The following GTF2H1 variants were observed in gnomAD, a reference collection of about 807,000 sequenced individuals.
GTF2H1 encodes the protein general transcription factor IIH subunit 1, also known as BTF2 p62.
A neutral mutation model predicts 71.2 loss-of-function variants in GTF2H1; 16 were observed. That is an observed-to-expected ratio of 0.22 (90% CI 0.15 to 0.34). The LOEUF (loss-of-function observed/expected upper bound fraction) is 0.34, where lower values mean the gene tolerates loss of function less well. GTF2H1 is among the 10% of genes least tolerant of loss of function. GTF2H1 has a pLI of 1.00. For synonymous variants in GTF2H1, 215 were observed against 219.0 expected, an observed-to-expected ratio of 0.98 and a Z score of 0.16; for missense variants, 498 against 648.2, an observed-to-expected ratio of 0.77 and a Z score of 2.52.
chr11:18,353,293 C>T (rs1375210214), intron 11 of GTF2H1, among the ~76,000 whole-genome samples: 1 of 152,196 alleles, frequency 6.6e-6, no homozygotes, highest in African/African-American at 2.4e-5. Flanking sequence ...GGCTTGAAAA[C>T]CTTCACTGCC....
chr11:18,343,017 G>A (rs1865198943), intron 7 of GTF2H1, among the ~76,000 whole-genome samples: 1 of 152,158 alleles, frequency 6.6e-6, no homozygotes, highest in South Asian at 2.1e-4. Context: ...TACCTCCTGG[G>A]TTCAAGCGAT....
chr11:18,342,324 C>T (rs1443334108), intron 7 of GTF2H1, among the ~76,000 whole-genome samples: 5 of 131,962 alleles, frequency 3.8e-5, no homozygotes, highest in Admixed American at 1.8e-4. Flanking sequence ...TGCAGTGGCG[C>T]AATCTTGGCT....
chr11:18,358,575 G>A lies in GTF2H1; in HGVS notation c.1402G>A (p.Val468Ile), dbSNP rs1376084996. Reference sequence around the variant, plus strand: ...TGAATTGAAACACTTATATGTAGCTGTTGGAGAACTTCTACGACATTTCTG... The same window carrying A: ...TGAATTGAAACACTTATATGTAGCTATTGGAGAACTTCTACGACATTTCTG... ...QSELKHLYVA[V>I]GELLRHFWSC... Residue 468 changes from valine (V) to isoleucine (I), a missense_variant, in exon 13 of 15, where the codon GTT becomes ATT. Around this residue, in one of 3 missense-constraint regions of GTF2H1, gnomAD observed 266 missense variants for 301.6 expected, o/e 0.88. Coordinates refer to ENST00000265963, the MANE Select transcript of GTF2H1 (RefSeq NM_005316.4). 2 of 1,613,084 alleles carry A rather than the reference G, an allele frequency of 1.2e-6. No homozygotes were observed. Among genetic ancestry groups the A allele is most frequent in the Non-Finnish European group, 1.7e-6 (2 of 1,179,092 alleles).
intron 14 of GTF2H1, 137 bp from the exon 15 acceptor site, chr11:18,365,646 T>C (rs1865806338): frequency 1.6e-6 from 1 of 634,324 alleles, no homozygotes; most frequent in Admixed American, 2.6e-5. Flanking sequence ...CTCAGAGGGC[T>C]TGCACATTAC....
At chr11:18,363,911 A>G (rs963765017) in intron 14 of GTF2H1, among the ~76,000 whole-genome samples, 5 of 152,070 alleles carry the variant, frequency 3.3e-5, no homozygotes, top group African/African-American at 1.2e-4. Flanking sequence ...CATCTCTACT[A>G]AAAATACAAA....
chr11:18,344,181 A>G (rs999146355), intron 7 of GTF2H1, among the ~76,000 whole-genome samples: 1 of 103,854 alleles, frequency 9.6e-6, no homozygotes, highest in Non-Finnish European at 2.2e-5. Flanking sequence ...CGTACAATAC[A>G]CCTCTCATCT....
chr11:18,347,772 T>C, intron 8 of GTF2H1, 57 bp downstream of exon 8: 1 of 1,595,044 alleles, frequency 6.3e-7, no homozygotes, highest in South Asian at 1.1e-5. Flanking sequence ...CCAGATGGAG[T>C]TGTGGTGTTG....
intron 7 of GTF2H1, among the ~76,000 whole-genome samples, chr11:18,343,744 C>T (rs1865218296): frequency 6.6e-6 from 1 of 152,214 alleles, no homozygotes. Context: ...TTCCCATCCT[C>T]ATAAACGTAT....
intron 3 of GTF2H1, among the ~76,000 whole-genome samples, chr11:18,337,284 A>G (rs746139370): frequency 1.6e-4 from 25 of 152,196 alleles, no homozygotes; most frequent in Middle Eastern, 3.4e-3. Context: ...ATACATATCT[A>G]TGTATACAAA....
intron 1 of GTF2H1, among the ~76,000 whole-genome samples, chr11:18,331,658 C>T (rs932499203): frequency 6.6e-6 from 1 of 150,784 alleles, no homozygotes; most frequent in Non-Finnish European, 1.5e-5. Flanking sequence ...AAAAGTGAAA[C>T]TCCGTCTCAA....
At chr11:18,333,877 T>G (rs1864960226) in intron 2 of GTF2H1, among the ~76,000 whole-genome samples, 1 of 152,230 alleles carries the variant, frequency 6.6e-6, no homozygotes, top group African/African-American at 2.4e-5. Flanking sequence ...TGATCTTTGC[T>G]TATGTGGCCA....
At chr11:18,323,136 C>T (rs1056912633) in intron 1 of GTF2H1, among the ~76,000 whole-genome samples, 1 of 152,150 alleles carries the variant, frequency 6.6e-6, no homozygotes, top group African/African-American at 2.4e-5. Flanking sequence ...TCAATCTTAC[C>T]TCTCTTAAAA....
chr11:18,353,129 G>A (rs1008719591), intron 11 of GTF2H1, among the ~76,000 whole-genome samples: 6 of 152,206 alleles, frequency 3.9e-5, no homozygotes, highest in African/African-American at 1.4e-4. Flanking sequence ...AGACGCTGAG[G>A]CAGGAGAATC....
Position 18,332,932 on chromosome 11 carries a change from CT to C in GTF2H1, c.-15-125del, listed in dbSNP as rs1158652320. On this transcript the variant is annotated intron_variant, in intron 1 of 14. Transcript: ENST00000265963. ...CTTCAACTTTGAATGAGAAAAGAGA[CT>C]TTCTTCTTCCCCGTTAATTTCCTAC... 73 of 562,934 alleles carry C rather than the reference CT, an allele frequency of 1.3e-4. No homozygotes were observed. In the African/African-American group the frequency reaches 1.3e-3, roughly 10 times the overall value. 34.9% of individuals were successfully genotyped at this position (562,934 alleles called of 1,614,324 possible).
chr11:18,354,998 C>T (rs1250120785), intron 11 of GTF2H1, among the ~76,000 whole-genome samples: 2 of 151,824 alleles, frequency 1.3e-5, no homozygotes, highest in Non-Finnish European at 2.9e-5. Context: ...TTGGTAGAGA[C>T]AGGGTTTTGC....
At chr11:18,343,442 T>C (rs961863135) in intron 7 of GTF2H1, among the ~76,000 whole-genome samples, 1 of 152,234 alleles carries the variant, frequency 6.6e-6, no homozygotes, top group African/African-American at 2.4e-5. Context: ...TATTGGTTGA[T>C]GCCATTTTTC....
At chr11:18,349,472 C>G (rs1474603603) in intron 9 of GTF2H1, among the ~76,000 whole-genome samples, 1 of 152,036 alleles carries the variant, frequency 6.6e-6, no homozygotes, top group Non-Finnish European at 1.5e-5. Flanking sequence ...CACTTGAGGT[C>G]AGAATTTCTA....
intron 7 of GTF2H1, among the ~76,000 whole-genome samples, chr11:18,342,533 A>G (rs1179346880): frequency 6.6e-6 from 1 of 152,024 alleles, no homozygotes; most frequent in Non-Finnish European, 1.5e-5. Context: ...AAGTGCTGGG[A>G]TTACAGTCAT....
chr11:18,356,216 A>G (rs1865540169), intron 11 of GTF2H1, among the ~76,000 whole-genome samples: 5 of 152,056 alleles, frequency 3.3e-5, no homozygotes, highest in Admixed American at 2.0e-4. Context: ...CGTCTCTACC[A>G]AAAATACAAA....
Sources: allele counts gnomAD v4.1 joint callset (sites outside exome capture counted in the v4.1 genomes callset), GRCh38; gene constraint gnomAD v4.1.1; regional missense constraint gnomAD v4.1.1; transcripts MANE v1.5; gene names NCBI Gene and HGNC (gene_info 2026-07-23, HGNC 2026-07-21).